PAM: variants seen among roughly 807,000 people sequenced by gnomAD.
The protein encoded by PAM is peptidylglycine alpha-amidating monooxygenase, also known as peptidyl-glycine alpha-amidating monooxygenase.
A neutral mutation model predicts 122.1 loss-of-function variants in PAM; 72 were observed. The ratio of observed to expected loss-of-function variants is 0.59; its 90% CI spans 0.49 to 0.72. The LOEUF (loss-of-function observed/expected upper bound fraction) is 0.72, where lower values mean the gene tolerates loss of function less well. Ranked by LOEUF, PAM falls within the 30% of genes least tolerant of loss-of-function variation. The pLI, the probability that PAM is intolerant of heterozygous loss-of-function variation, is 0.00. For missense variants in PAM, 1,106 were observed against 1,183.7 expected, an observed-to-expected ratio of 0.93 and a Z score of 0.96; for synonymous variants, 389 against 404.4, an observed-to-expected ratio of 0.96 and a Z score of 0.46.
chr5:102,794,014 G>A lies in PAM; in HGVS notation c.-374+38666G>A, dbSNP rs115815893. Among the ~76,000 whole-genome samples, 1,083 of 152,118 alleles carry A rather than the reference G, an allele frequency of 7.1e-3. 7 individuals carry two copies. The highest frequency in any genetic ancestry group is 0.025 in the African/African-American group (1,029 of 41,492). ...TTATCTTTTTATTTGGTAGATTTAA[G>A]TAAAATTTATTATTTATTTAACACT... On this transcript the variant is annotated intron_variant, in intron 1 of 25. Coordinates refer to ENST00000438793, the MANE Select transcript of PAM (RefSeq NM_001177306.2).
rs1346705137 is a variant in PAM at position 102,829,207 on chromosome 5, A to T, written c.-373-36616A>T. ...GTACTCTAAATTTTGACCGAAAGTC[A>T]TACGTACAAAATGTATTCTCGGTAC... On this transcript the variant is annotated intron_variant, in intron 1 of 25. Transcript: ENST00000438793. 2.0e-5 allele frequency among the ~76,000 whole-genome samples: 3 copies of T among 152,292 alleles called. No homozygotes were observed. In the East Asian group the frequency reaches 5.8e-4, roughly 29 times the overall value.
In PAM at chr5:102,897,095, G is replaced by A. The variant is rs112875899; in HGVS notation, c.211-4261G>A. Among the ~76,000 whole-genome samples the A allele has an allele frequency of 5.8e-3, 885 of 151,554 alleles. 6 individuals carry two copies. The highest frequency in any genetic ancestry group is 0.02 in the African/African-American group (845 of 41,396). On this transcript the variant is annotated intron_variant, in intron 3 of 25. Transcript: ENST00000438793. The stretch of plus-strand genomic sequence containing the variant: ...TCTTCCTCTCATAATCAAAATTCTG[G>A]CCAAAGAGGCTTGACCACTTTCCAT...
intron 12 of PAM, among the ~76,000 whole-genome samples, chr5:102,951,449 C>T (rs1026248785): frequency 2.6e-5 from 4 of 151,926 alleles, no homozygotes; most frequent in African/African-American, 9.7e-5. Flanking sequence ...TCTTTTCATG[C>T]TTTTTGATAG....
At chr5:102,910,096 C>G (rs1054992722) in intron 4 of PAM, among the ~76,000 whole-genome samples, 3 of 151,748 alleles carry the variant, frequency 2.0e-5, no homozygotes, top group Admixed American at 2.0e-4. Flanking sequence ...CTAAGTCTGG[C>G]AGAAGAATCA....
At chr5:102,756,739 C>T (rs1750454613) in intron 1 of PAM, among the ~76,000 whole-genome samples, 1 of 151,772 alleles carries the variant, frequency 6.6e-6, no homozygotes, top group Non-Finnish European at 1.5e-5. Flanking sequence ...ACTCCAGCCT[C>T]GGTGACAGAG....
intron 1 of PAM, among the ~76,000 whole-genome samples, chr5:102,856,095 T>C (rs1782551861): frequency 6.6e-6 from 1 of 152,100 alleles, no homozygotes; most frequent in African/African-American, 2.4e-5. Flanking sequence ...CAAAGTCCAT[T>C]AATTTCTGAA....
chr5:102,946,091 T>C (rs1185994685), intron 7 of PAM, among the ~76,000 whole-genome samples: 2 of 152,164 alleles, frequency 1.3e-5, no homozygotes, highest in Non-Finnish European at 2.9e-5. Flanking sequence ...AATGCATCAC[T>C]GTGGCAAGGA....
chr5:102,792,475 A>T (rs368220486), intron 1 of PAM, among the ~76,000 whole-genome samples: 2 of 152,190 alleles, frequency 1.3e-5, no homozygotes, highest in African/African-American at 2.4e-5. Context: ...TCTATTTGCC[A>T]AGCAATTGGC....
At chr5:102,784,101 G>A (rs937818265) in intron 1 of PAM, among the ~76,000 whole-genome samples, 1 of 152,050 alleles carries the variant, frequency 6.6e-6, no homozygotes, top group Non-Finnish European at 1.5e-5. Context: ...CACCGTGTTA[G>A]CCAGTATGTT....
rs79046879 is a variant in PAM, at chr5:103,021,922, G to A, written c.2485+2079G>A. Among the ~76,000 whole-genome samples the A allele has an allele frequency of 8.0e-4, 121 of 151,930 alleles. 1 individual carries two copies. The East Asian group carries it at 0.022, about 27-fold the overall frequency. On this transcript the variant is annotated intron_variant, in intron 23 of 25. Transcript: ENST00000438793. Reference sequence around the variant, plus strand: ...GATAACACTTATCCCTACTATGAATGGTCATATAACTAATTATTATTAAAA... The same window carrying A: ...GATAACACTTATCCCTACTATGAATAGTCATATAACTAATTATTATTAAAA...
At chr5:102,994,135 T>G (rs553840819) in intron 16 of PAM, among the ~76,000 whole-genome samples, 1 of 152,222 alleles carries the variant, frequency 6.6e-6, no homozygotes, top group South Asian at 2.1e-4. Context: ...ATCTCCAGCC[T>G]CCCACCTAAT....
In PAM at chr5:102,950,416, GGTGTGTGTGT is replaced by G. The variant is rs1554134180; in HGVS notation, c.802-286_802-277del. Among the ~76,000 whole-genome samples, 635 of 146,062 alleles carry G rather than the reference GGTGTGTGTGT, an allele frequency of 4.3e-3. 3 individuals carry two copies. Among genetic ancestry groups the G allele is most frequent in the African/African-American group, 0.014 (564 of 39,010 alleles). ...CAGTGATTATTTGTGTATGTGGGTG[GGTGTGTGTGT>G]GTGTGTGTGTGTGTCTATTTCACTG... On this transcript the variant is annotated intron_variant, in intron 11 of 25. Coordinates refer to ENST00000438793, the MANE Select transcript of PAM (RefSeq NM_001177306.2).
At chr5:102,933,896 C>T (rs924470847) in intron 7 of PAM, among the ~76,000 whole-genome samples, 3 of 152,128 alleles carry the variant, frequency 2.0e-5, no homozygotes, top group African/African-American at 7.2e-5. Context: ...CTGAGTGCTC[C>T]TGACTTCCTG....
At chr5:102,775,660 G>GA (rs1756972538) in intron 1 of PAM, among the ~76,000 whole-genome samples, 1 of 152,118 alleles carries the variant, frequency 6.6e-6, no homozygotes, top group Non-Finnish European at 1.5e-5. Flanking sequence ...TCCCTGCAAA[G>GA]GACATGATCT....
chr5:103,029,185 A>G lies in PAM; in HGVS notation c.*120A>G, dbSNP rs1785860231. ...ACTGTACTAGTCTGTGTGGGACTGTACACACTTTATTTACTTCGTTTTGGT... is the reference window on the plus strand; with the variant it reads ...ACTGTACTAGTCTGTGTGGGACTGTGCACACTTTATTTACTTCGTTTTGGT... On this transcript the variant is annotated 3_prime_UTR_variant, in exon 26 of 26. Coordinates refer to ENST00000438793, the MANE Select transcript of PAM (RefSeq NM_001177306.2). 1.4e-6 allele frequency: 1 copy of G among 703,232 alleles called. No individual in the cohort carries two copies. The highest frequency in any genetic ancestry group is 2.1e-6 in the Non-Finnish European group (1 of 466,040). 43.6% of individuals were successfully genotyped at this position (703,232 alleles called of 1,614,324 possible).
intron 1 of PAM, among the ~76,000 whole-genome samples, chr5:102,830,883 A>ATGTTT (rs200045382): frequency 0.042 from 3,965 of 95,192 alleles, 104 homozygotes; most frequent in East Asian, 0.22. Flanking sequence ...TGTATTTTGG[A>ATGTTT]TGTTTTGTTT....
chr5:102,919,650 T>A (rs895521628), intron 5 of PAM, among the ~76,000 whole-genome samples: 4 of 152,158 alleles, frequency 2.6e-5, no homozygotes, highest in Non-Finnish European at 5.9e-5. Context: ...AGTAGCAATG[T>A]TTAGACATAA....
At chr5:103,026,088 A>C (rs1230076962) in intron 24 of PAM, among the ~76,000 whole-genome samples, 1 of 152,260 alleles carries the variant, frequency 6.6e-6, no homozygotes, top group African/African-American at 2.4e-5. Context: ...AACAAGGCAG[A>C]GTCCAATACC....
chr5:102,773,532 G>A (rs1344684546), intron 1 of PAM, among the ~76,000 whole-genome samples: 2 of 151,950 alleles, frequency 1.3e-5, no homozygotes, highest in Admixed American at 1.3e-4. Flanking sequence ...GTATTGCTCT[G>A]TTTAAAATTT....
Sources: gnomAD v4.1 joint callset for allele counts (sites outside exome capture counted in the v4.1 genomes callset) on GRCh38, gnomAD v4.1.1 for gene constraint, MANE v1.5 for transcripts, NCBI Gene and HGNC (gene_info 2026-07-23, HGNC 2026-07-21) for gene names.